Variants in BICC1 observed in about 807,000 individuals in gnomAD.
BICC1 encodes BicC family RNA binding protein 1.
BICC1 carries 43 observed loss-of-function variants against 111.0 expected under a neutral mutation model. The ratio of observed to expected loss-of-function variants is 0.39; its 90% CI spans 0.30 to 0.50. The LOEUF is 0.50. BICC1 is among the 20% of genes least tolerant of loss of function. The probability of loss-of-function intolerance (pLI) is 0.88; values close to 1 mark genes in which losing one functional copy is unlikely to be tolerated. For synonymous variants in BICC1, 467 were observed against 434.4 expected (o/e 1.07, Z -0.93); for missense variants, 1,091 against 1,203.2 (o/e 0.91, Z 1.38).
intron 3 of BICC1, among the ~76,000 whole-genome samples, chr10:58,740,022 C>A (rs961784124): frequency 2.6e-5 from 4 of 152,044 alleles, no homozygotes; most frequent in Non-Finnish European, 5.9e-5. Flanking sequence ...GTATTTGAGT[C>A]CTTGCTTGAT....
intron 3 of BICC1, among the ~76,000 whole-genome samples, chr10:58,781,106 A>T (rs369402765): frequency 6.6e-6 from 1 of 152,184 alleles, no homozygotes; most frequent in Non-Finnish European, 1.5e-5. Context: ...CTTCATTAGG[A>T]TGACACCAGA....
chr10:58,577,597 A>C (rs544592020), intron 1 of BICC1, among the ~76,000 whole-genome samples: 3 of 152,236 alleles, frequency 2.0e-5, no homozygotes, highest in Admixed American at 6.5e-5. Context: ...GAGAAACTCA[A>C]GTATAGCAAA....
intron 3 of BICC1, among the ~76,000 whole-genome samples, chr10:58,784,187 A>G (rs1418956256): frequency 1.3e-5 from 2 of 152,062 alleles, no homozygotes; most frequent in African/African-American, 4.8e-5. Flanking sequence ...ATTAAATTAT[A>G]TTTTGTCTCT....
rs73292217 is a variant in BICC1, at chr10:58,640,519, G to A, written c.237+19618G>A. ...TCCCTTTGTGACCTCTTAAATCTCT[G>A]AGACCAAAAATATTTACATATGCAG... is the stretch of plus-strand genomic sequence containing the variant. On this transcript the variant is annotated intron_variant, in intron 2 of 20. Transcript: ENST00000373886. 8.6e-3 allele frequency among the ~76,000 whole-genome samples: 1,316 copies of A among 152,228 alleles called. 22 individuals carry two copies. The highest frequency in any genetic ancestry group is 0.03 in the African/African-American group (1,260 of 41,524).
intron 1 of BICC1, among the ~76,000 whole-genome samples, chr10:58,546,917 G>C (rs1169081117): frequency 6.6e-6 from 1 of 152,134 alleles, no homozygotes; most frequent in Admixed American, 6.5e-5. Flanking sequence ...CAGACTTTCA[G>C]ATGTGCTTAA....
intron 1 of BICC1, among the ~76,000 whole-genome samples, chr10:58,544,073 A>G (rs893648936): frequency 1.3e-5 from 2 of 152,100 alleles, no homozygotes; most frequent in South Asian, 2.1e-4. Context: ...GCCTTCATCC[A>G]TTGGAACCTG....
At chr10:58,796,052 C>T (rs993511782) in intron 9 of BICC1, among the ~76,000 whole-genome samples, 25 of 152,074 alleles carry the variant, frequency 1.6e-4, no homozygotes, top group African/African-American at 6.0e-4. Context: ...GTAATGATTC[C>T]CACCCTATAA....
chr10:58,609,107 C>T (rs78775662), intron 1 of BICC1, among the ~76,000 whole-genome samples: 12,317 of 152,278 alleles, frequency 0.081, 524 homozygotes, highest in African/African-American at 0.09. Flanking sequence ...AACTTCATTC[C>T]ATTAAATAAC....
At chr10:58,557,786 C>T (rs1843493916) in intron 1 of BICC1, among the ~76,000 whole-genome samples, 1 of 151,884 alleles carries the variant, frequency 6.6e-6, no homozygotes, top group Non-Finnish European at 1.5e-5. Flanking sequence ...ATGTTCTTTT[C>T]TGTTATTCTA....
intron 3 of BICC1, among the ~76,000 whole-genome samples, chr10:58,705,561 T>C (rs1840363173): frequency 6.6e-6 from 1 of 152,164 alleles, no homozygotes; most frequent in South Asian, 2.1e-4. Context: ...TACCTTTCAC[T>C]CCACTTTCAT....
At chr10:58,711,558 T>A (rs1486186132) in intron 3 of BICC1, among the ~76,000 whole-genome samples, 2 of 152,164 alleles carry the variant, frequency 1.3e-5, no homozygotes, top group African/African-American at 2.4e-5. Flanking sequence ...TCATGTTCGG[T>A]GACCTATTAG....
chr10:58,513,206 G>A lies in BICC1; in HGVS notation c.63G>A (p.Glu21=). The A allele has an allele frequency of 1.9e-6, 3 of 1,609,208 alleles. No homozygotes were observed. Among genetic ancestry groups the A allele is most frequent in the Non-Finnish European group, 2.5e-6 (3 of 1,178,338 alleles). Residue 21 remains glutamate, a synonymous_variant, in exon 1 of 21, where the codon GAG becomes GAA. Transcript: ENST00000373886. ...AAQSDPGSNS[E]RSTDSPVPGS... The stretch of plus-strand genomic sequence containing the variant: ...AGTCGGACCCCGGCTCCAACAGCGA[G>A]CGCAGCACCGACTCCCCAGTGCCCG...
At chr10:58,617,980 A>G (rs1845673001) in intron 1 of BICC1, among the ~76,000 whole-genome samples, 1 of 152,224 alleles carries the variant, frequency 6.6e-6, no homozygotes, top group Admixed American at 6.5e-5. Flanking sequence ...TTTTCCCTGT[A>G]TTACTGCTGT....
chr10:58,518,125 A>C (rs1431780818), intron 1 of BICC1, among the ~76,000 whole-genome samples: 1 of 152,016 alleles, frequency 6.6e-6, no homozygotes, highest in Admixed American at 6.6e-5. Context: ...AGGGCTTTTC[A>C]CCCTTTTTAG....
In BICC1 at chr10:58,718,742, A is replaced by ATGTGTGTGTGTG. The variant is rs371273354; in HGVS notation, c.307+16612_307+16623dup. 2.1e-3 allele frequency among the ~76,000 whole-genome samples: 308 copies of ATGTGTGTGTGTG among 148,532 alleles called. 3 individuals are homozygous for ATGTGTGTGTGTG. The highest frequency in any genetic ancestry group is 6.6e-3 in the African/African-American group (262 of 39,806). On this transcript the variant is annotated intron_variant, in intron 3 of 20. Coordinates refer to ENST00000373886, the MANE Select transcript of BICC1 (RefSeq NM_001080512.3). ...GGTCCTCAATATTAATAGCATGGAA[A>ATGTGTGTGTGTG]TGTGTGTGTGTGTGTGTGTGTGTGC...
chr10:58,570,870 G>A (rs908708907), intron 1 of BICC1, among the ~76,000 whole-genome samples: 1 of 152,138 alleles, frequency 6.6e-6, no homozygotes, highest in South Asian at 2.1e-4. Flanking sequence ...GGTAGCAAGT[G>A]TAGTTTAGGG....
intron 1 of BICC1, among the ~76,000 whole-genome samples, chr10:58,605,948 C>A (rs185573018): frequency 1.3e-5 from 2 of 152,136 alleles, no homozygotes; most frequent in African/African-American, 4.8e-5. Flanking sequence ...TTCTTTTCTT[C>A]CCCCTTGGGT....
At chr10:58,730,755 C>T (rs1212992729) in intron 3 of BICC1, among the ~76,000 whole-genome samples, 6 of 152,104 alleles carry the variant, frequency 3.9e-5, no homozygotes, top group Non-Finnish European at 8.8e-5. Flanking sequence ...GAAGCAGAGT[C>T]CTGAGTGGTA....
At chr10:58,656,042 G>A (rs373283378) in intron 2 of BICC1, among the ~76,000 whole-genome samples, 1 of 152,112 alleles carries the variant, frequency 6.6e-6, no homozygotes, top group South Asian at 2.1e-4. Flanking sequence ...CAGAAATACA[G>A]ACTACCCATC....
Sources: allele counts gnomAD v4.1 joint callset (sites outside exome capture counted in the v4.1 genomes callset), GRCh38; gene constraint gnomAD v4.1.1; transcripts MANE v1.5; gene names NCBI Gene and HGNC (gene_info 2026-07-23, HGNC 2026-07-21).